The following AK5 variants were observed in gnomAD, a reference collection of about 807,000 sequenced individuals.
AK5 encodes adenylate kinase isoenzyme 5.
Under a neutral mutation model 69.5 loss-of-function variants are expected in AK5, and 27 were observed. That is an observed-to-expected ratio of 0.39 (90% CI 0.29 to 0.54). The LOEUF is 0.54. AK5 is among the 20% of genes least tolerant of loss of function. The pLI, the probability that AK5 is intolerant of heterozygous loss-of-function variation, is 0.71. For synonymous variants in AK5, 260 were observed against 244.4 expected, an observed-to-expected ratio of 1.06 and a Z score of -0.60; for missense variants, 531 against 700.4, an observed-to-expected ratio of 0.76 and a Z score of 2.73.
At chr1:77,415,064 G>A (rs994859751) in intron 7 of AK5, among the ~76,000 whole-genome samples, 2 of 151,862 alleles carry the variant, frequency 1.3e-5, no homozygotes, top group African/African-American at 4.8e-5. Flanking sequence ...TATAATTCCT[G>A]TTGAAAGCAT....
intron 6 of AK5, among the ~76,000 whole-genome samples, chr1:77,386,219 T>TA (rs1284064793): frequency 6.6e-6 from 1 of 152,214 alleles, no homozygotes; most frequent in East Asian, 1.9e-4. Flanking sequence ...GTGTGAAATT[T>TA]AGAGACTTGC....
chr1:77,514,008 C>A (rs1207768837), intron 10 of AK5, among the ~76,000 whole-genome samples: 7 of 152,212 alleles, frequency 4.6e-5, no homozygotes, highest in Non-Finnish European at 1.0e-4. Flanking sequence ...CCCTCCCTTC[C>A]TTCTGTGGCA....
At chr1:77,376,655 G>C (rs1161657233) in intron 6 of AK5, among the ~76,000 whole-genome samples, 1 of 152,028 alleles carries the variant, frequency 6.6e-6, no homozygotes, top group Non-Finnish European at 1.5e-5. Context: ...AAATACAGAA[G>C]TCTGGCCAGG....
intron 8 of AK5, among the ~76,000 whole-genome samples, chr1:77,456,114 G>C (rs1461331665): frequency 6.6e-6 from 1 of 152,102 alleles, no homozygotes; most frequent in Non-Finnish European, 1.5e-5. Context: ...CCACTCTAAG[G>C]CAATGTCTGT....
intron 8 of AK5, among the ~76,000 whole-genome samples, chr1:77,424,028 G>T (rs1651026190): frequency 6.6e-6 from 1 of 152,080 alleles, no homozygotes. Flanking sequence ...AGGGCCACAG[G>T]CTCACCAAAA....
chr1:77,374,833 AAG>A (rs965650938), intron 6 of AK5, among the ~76,000 whole-genome samples: 25 of 151,492 alleles, frequency 1.7e-4, no homozygotes, highest in Middle Eastern at 6.8e-3. Context: ...AAAAAAAAAA[AAG>A]AAGAAGTTAT....
Position 77,340,349 on chromosome 1 carries a change from C to T in AK5, c.700-28C>T, listed in dbSNP as rs756491416. ...CATGCATTAGTTGGTATGTTGAATGCCTCTCTATTTGTTGATGCTCTCCAC... is the reference window on the plus strand; with the variant it reads ...CATGCATTAGTTGGTATGTTGAATGTCTCTCTATTTGTTGATGCTCTCCAC... On this transcript the variant is annotated intron_variant, in intron 5 of 13. Transcript: ENST00000354567. 2.5e-6 allele frequency: 4 copies of T among 1,594,382 alleles called. No individual in the cohort carries two copies. The East Asian group carries it at 6.7e-5, about 27-fold the overall frequency.
At chr1:77,392,760 G>C (rs1648570275) in intron 6 of AK5, among the ~76,000 whole-genome samples, 1 of 150,810 alleles carries the variant, frequency 6.6e-6, no homozygotes. Context: ...CCAAAGGAAT[G>C]ATTGCTGGGT....
intron 6 of AK5, among the ~76,000 whole-genome samples, chr1:77,403,580 C>G (rs1184489074): frequency 6.6e-6 from 1 of 152,206 alleles, no homozygotes; most frequent in South Asian, 2.1e-4. Context: ...TTGTTTTTCT[C>G]AGGTTTGTCA....
chr1:77,376,433 CAA>C (rs757594684), intron 6 of AK5, among the ~76,000 whole-genome samples: 1 of 13,434 alleles, frequency 7.4e-5, no homozygotes, highest in Non-Finnish European at 1.4e-4. Flanking sequence ...CACTCAATGC[CAA>C]AAAAAAAAAA....
In AK5 at chr1:77,367,569, A is replaced by ATATGTTATATATATATGT. The variant is rs1553139694; in HGVS notation, c.891+27004_891+27005insGTTATATATATATGTTAT. 7.3e-4 allele frequency among the ~76,000 whole-genome samples: 23 copies of ATATGTTATATATATATGT among 31,642 alleles called. 2 individuals are homozygous for ATATGTTATATATATATGT. Among genetic ancestry groups the ATATGTTATATATATATGT allele is most frequent in the African/African-American group, 2.1e-3 (22 of 10,538 alleles). 20.8% of individuals were successfully genotyped at this position (31,642 alleles called of 152,430 possible). A position where few individuals can be genotyped will look rare whatever the true frequency, so the allele number is the denominator to read the frequency against. On this transcript the variant is annotated intron_variant, in intron 6 of 13. Transcript: ENST00000354567. ...ATTTATGTTATTTTTATATATATAT[A>ATATGTTATATATATATGT]TATATATATAATATATATGTTATAT...
chr1:77,362,766 A>T, intron 6 of AK5, among the ~76,000 whole-genome samples: 2 of 152,300 alleles, frequency 1.3e-5, no homozygotes, highest in Middle Eastern at 6.8e-3. Flanking sequence ...ATTAAAAGAG[A>T]TTGCTTTAAA....
chr1:77,546,234 G>A (rs2100384396), intron 13 of AK5, among the ~76,000 whole-genome samples: 1 of 152,186 alleles, frequency 6.6e-6, no homozygotes, highest in South Asian at 2.1e-4. Flanking sequence ...TAATCACATA[G>A]CAGATTTTGC....
chr1:77,416,069 T>G (rs1650405680), intron 7 of AK5, among the ~76,000 whole-genome samples: 1 of 152,152 alleles, frequency 6.6e-6, no homozygotes, highest in Non-Finnish European at 1.5e-5. Flanking sequence ...TTTCTGATAC[T>G]TACTGCCTCA....
chr1:77,305,795 T>G (rs1179880922), intron 5 of AK5, among the ~76,000 whole-genome samples: 1 of 152,200 alleles, frequency 6.6e-6, no homozygotes, highest in Non-Finnish European at 1.5e-5. Flanking sequence ...AGTTGTGTTC[T>G]TTTTGCTCAG....
chr1:77,319,542 A>G (rs1557492300), intron 5 of AK5, among the ~76,000 whole-genome samples: 1 of 152,222 alleles, frequency 6.6e-6, no homozygotes, highest in Non-Finnish European at 1.5e-5. Context: ...TGATTCCTCC[A>G]GAATGCCTCA....
At chr1:77,472,528 A>G (rs1181376897) in intron 8 of AK5, among the ~76,000 whole-genome samples, 1 of 152,038 alleles carries the variant, frequency 6.6e-6, no homozygotes, top group African/African-American at 2.4e-5. Flanking sequence ...ATGGAAATGC[A>G]AGGATCTGGC....
chr1:77,517,815 C>T (rs1488989041), intron 10 of AK5, among the ~76,000 whole-genome samples: 1 of 152,184 alleles, frequency 6.6e-6, no homozygotes, highest in Non-Finnish European at 1.5e-5. Context: ...AGCAGAAGGA[C>T]ATGGCAACTA....
chr1:77,298,006 A>G, intron 5 of AK5, 59 bp downstream of exon 5: 1 of 1,309,896 alleles, frequency 7.6e-7, no homozygotes, highest in Non-Finnish European at 1.1e-6. Flanking sequence ...TTTGGGAATA[A>G]AAACAAAAAG....
Sources: allele counts gnomAD v4.1 joint callset (sites outside exome capture counted in the v4.1 genomes callset), GRCh38; gene constraint gnomAD v4.1.1; transcripts MANE v1.5; gene names NCBI Gene and HGNC (gene_info 2026-07-23, HGNC 2026-07-21).